Variants in GNG7 observed in about 807,000 individuals in gnomAD.
GNG7 encodes the protein guanine nucleotide-binding protein G(I)/G(S)/G(O) subunit gamma-7.
Under a neutral mutation model 4.0 loss-of-function variants are expected in GNG7, and 1 was observed. The observed-to-expected ratio is 0.25, with a 90% CI of 0.09 to 1.18. The LOEUF (loss-of-function observed/expected upper bound fraction) is 1.18, where lower values mean the gene tolerates loss of function less well. Ranked by LOEUF, GNG7 falls within the 50% of genes most tolerant of loss-of-function variation. The pLI, the probability that GNG7 is intolerant of heterozygous loss-of-function variation, is 0.50. For synonymous variants in GNG7, 34 were observed against 36.9 expected (o/e 0.92, Z 0.29); for missense variants, 86 against 91.9 (o/e 0.94, Z 0.26).
chr19:2,538,076 C>CAAACAAAACA (rs71337145), intron 3 of GNG7: 10,616 of 433,468 alleles, frequency 0.024, 173 homozygotes, highest in East Asian at 0.027. Context: ...GACTCTCTCT[C>CAAACAAAACA]AAACAAAACA....
chr19:2,661,884 C>T (rs1983190045), intron 1 of GNG7, among the ~76,000 whole-genome samples: 1 of 151,620 alleles, frequency 6.6e-6, no homozygotes, highest in South Asian at 2.1e-4. Flanking sequence ...CAGAATCACC[C>T]AGTGGAGCTG....
chr19:2,599,375 A>C (rs1981131094), intron 2 of GNG7, among the ~76,000 whole-genome samples: 1 of 152,020 alleles, frequency 6.6e-6, no homozygotes, highest in African/African-American at 2.4e-5. Flanking sequence ...GAATCCAAAT[A>C]AACCCAGCTG....
At chr19:2,536,015 C>T (rs1978723211) in intron 3 of GNG7, among the ~76,000 whole-genome samples, 1 of 152,076 alleles carries the variant, frequency 6.6e-6, no homozygotes, top group African/African-American at 2.4e-5. Flanking sequence ...GTCTCAGCTA[C>T]TTGGATGGCT....
chr19:2,680,618 C>G (rs1983708118), intron 1 of GNG7, among the ~76,000 whole-genome samples: 2 of 148,176 alleles, frequency 1.3e-5, no homozygotes, highest in South Asian at 4.3e-4. Context: ...TCTTGTTGCC[C>G]AGGCTGGAAT....
At position 2,633,489 on chromosome 19, in the gene GNG7, A is replaced by G. The variant is rs12984252; in HGVS notation, c.-78+12735T>C. ...GCAACAGGCGCGCGCGCGCGCGCGCACACACACACACACACACACACACAC... is the reference window on the plus strand; with the variant it reads ...GCAACAGGCGCGCGCGCGCGCGCGCGCACACACACACACACACACACACAC... On this transcript the variant is annotated intron_variant, in intron 2 of 4. Coordinates refer to ENST00000382159, the MANE Select transcript of GNG7 (RefSeq NM_052847.3). The surrounding 1 kb of genome is among the most constrained non-coding windows in gnomAD (Gnocchi z 5.9). 0.052 allele frequency among the ~76,000 whole-genome samples: 3,328 copies of G among 64,340 alleles called. 45 individuals carry two copies. The highest frequency in any genetic ancestry group is 0.12 in the African/African-American group (2,032 of 17,026). 42.2% of individuals were successfully genotyped at this position (64,340 alleles called of 152,430 possible).
At chr19:2,602,165 C>A (rs1258741059) in intron 2 of GNG7, among the ~76,000 whole-genome samples, 1 of 151,876 alleles carries the variant, frequency 6.6e-6, no homozygotes, top group African/African-American at 2.4e-5. Context: ...GGTGAAACCC[C>A]GTCTCTACTA....
At chr19:2,671,631 G>C (rs1555702570) in intron 1 of GNG7, among the ~76,000 whole-genome samples, 1 of 152,060 alleles carries the variant, frequency 6.6e-6, no homozygotes, top group Non-Finnish European at 1.5e-5. Context: ...GAGCCCCAGA[G>C]AGACAACACC....
intron 2 of GNG7, among the ~76,000 whole-genome samples, chr19:2,616,268 G>T (rs1172731148): frequency 6.6e-6 from 1 of 151,876 alleles, no homozygotes; most frequent in Non-Finnish European, 1.5e-5. Context: ...ATTTTGAGCC[G>T]GAGTCTCGCT....
chr19:2,597,129 G>T (rs1375560576), intron 2 of GNG7, among the ~76,000 whole-genome samples: 1 of 151,988 alleles, frequency 6.6e-6, no homozygotes, highest in Admixed American at 6.6e-5. Flanking sequence ...TCCAGGCATG[G>T]TGGTGTGCAC....
intron 2 of GNG7, among the ~76,000 whole-genome samples, chr19:2,622,085 T>TCC (rs56831135): frequency 6.6e-6 from 1 of 151,114 alleles, no homozygotes; most frequent in African/African-American, 2.5e-5. Context: ...TTTTTTTTTT[T>TCC]TCTCTCTCTT....
At chr19:2,529,295 C>T (rs1978510701) in intron 3 of GNG7, among the ~76,000 whole-genome samples, 1 of 152,230 alleles carries the variant, frequency 6.6e-6, no homozygotes. Context: ...CGGCTCACTG[C>T]AACCTCCGCC....
chr19:2,548,294 C>T (rs1339236142), intron 3 of GNG7, among the ~76,000 whole-genome samples: 6 of 151,528 alleles, frequency 4.0e-5, no homozygotes, highest in African/African-American at 4.9e-5. Context: ...GCCTGGGCAA[C>T]GTGGTGAAAC....
At chr19:2,606,091 A>G (rs1386095318) in intron 2 of GNG7, among the ~76,000 whole-genome samples, 1 of 152,134 alleles carries the variant, frequency 6.6e-6, no homozygotes, top group Admixed American at 6.6e-5. Context: ...CGCTTTTAAG[A>G]GTCAGGAAGA....
At chr19:2,655,873 T>TATATATAA (rs1398098319) in intron 1 of GNG7, among the ~76,000 whole-genome samples, 6 of 96,378 alleles carry the variant, frequency 6.2e-5, no homozygotes, top group Admixed American at 2.4e-4. Flanking sequence ...CATATATATA[T>TATATATAA]AAATTAGCCA....
chr19:2,567,060 G>A (rs902244311), intron 2 of GNG7, among the ~76,000 whole-genome samples: 11 of 148,906 alleles, frequency 7.4e-5, no homozygotes, highest in African/African-American at 2.2e-4. Flanking sequence ...AGCCGAGATC[G>A]CGCCACTGCA....
intron 3 of GNG7, among the ~76,000 whole-genome samples, chr19:2,521,411 C>T (rs1335917106): frequency 6.6e-6 from 1 of 152,164 alleles, no homozygotes; most frequent in African/African-American, 2.4e-5. Context: ...TGGGTGATAT[C>T]TGGGGACATC....
At position 2,611,902 on chromosome 19, in the gene GNG7, T is replaced by C. The variant is rs990364888; in HGVS notation, c.-78+34322A>G. 2 of 150,420 alleles carry C rather than the reference T, an allele frequency of 1.3e-5. No homozygotes were observed. The highest frequency in any genetic ancestry group is 4.2e-4 in the South Asian group (2 of 4,790). The allele number at this position is 150,420 out of a possible 1,614,324, so 9.3% of individuals were successfully genotyped here. A position where few individuals can be genotyped will look rare whatever the true frequency, so the allele number is the denominator to read the frequency against. On this transcript the variant is annotated intron_variant, in intron 2 of 4. Coordinates refer to ENST00000382159, the MANE Select transcript of GNG7 (RefSeq NM_052847.3). This position sits in a 1 kb window ranked among gnomAD's most constrained non-coding sequence, Gnocchi z 6.0. ...AATCTTTTTTTTTTTTGAGATGGAGTCTCGCTCTGTCACCAGGCTGAAGTG... is the reference window on the plus strand; with the variant it reads ...AATCTTTTTTTTTTTTGAGATGGAGCCTCGCTCTGTCACCAGGCTGAAGTG...
chr19:2,547,573 C>A (rs1429118458), intron 3 of GNG7, among the ~76,000 whole-genome samples: 2 of 152,270 alleles, frequency 1.3e-5, no homozygotes, highest in African/African-American at 4.8e-5. Flanking sequence ...CACTCAATCC[C>A]ACCTGCAGAG....
chr19:2,687,713 C>T (rs1360096993), intron 1 of GNG7, among the ~76,000 whole-genome samples: 2 of 152,054 alleles, frequency 1.3e-5, no homozygotes, highest in Non-Finnish European at 1.5e-5. Flanking sequence ...CGGTGGCTCA[C>T]GCCTGTAATT....
Sources: allele counts gnomAD v4.1 joint callset (sites outside exome capture counted in the v4.1 genomes callset), GRCh38; gene constraint gnomAD v4.1.1; non-coding constraint Gnocchi (gnomAD v3.1); transcripts MANE v1.5; gene names NCBI Gene and HGNC (gene_info 2026-07-23, HGNC 2026-07-21).